Variants in PDE11A observed in about 807,000 individuals in gnomAD.
PDE11A encodes the protein phosphodiesterase 11A.
Under a neutral mutation model 100.5 loss-of-function variants are expected in PDE11A, and 100 were observed. That is an observed-to-expected ratio of 1.00 (90% CI 0.85 to 1.18). PDE11A has a LOEUF of 1.18. PDE11A is among the 50% of genes most tolerant of loss of function. The pLI is 0.00. For missense variants in PDE11A, 1,141 were observed against 1,152.6 expected (o/e 0.99, Z 0.15); for synonymous variants, 381 against 420.8 (o/e 0.91, Z 1.16).
At chr2:178,105,248 T>C (rs1001722847) in intron 1 of PDE11A, among the ~76,000 whole-genome samples, 7 of 152,086 alleles carry the variant, frequency 4.6e-5, no homozygotes, top group Non-Finnish European at 5.9e-5. Context: ...AATCACAAGG[T>C]CAGGAGTTCG....
intron 2 of PDE11A, among the ~76,000 whole-genome samples, chr2:178,004,481 G>A (rs1281372713): frequency 1.3e-5 from 2 of 152,120 alleles, no homozygotes; most frequent in African/African-American, 2.4e-5. Context: ...AAAGAAGACC[G>A]TTATCCATCT....
At chr2:177,851,099 C>T (rs540437397) in intron 5 of PDE11A, among the ~76,000 whole-genome samples, 69 of 152,100 alleles carry the variant, frequency 4.5e-4, no homozygotes, top group African/African-American at 1.4e-3. Flanking sequence ...ATGTTTATTG[C>T]GGCACTATTC....
chr2:178,014,459 T>A lies in PDE11A; in HGVS notation c.914A>T (p.Asp305Val), dbSNP rs1297598416. The A allele has an allele frequency of 1.2e-6, 2 of 1,612,220 alleles. No individual in the cohort carries two copies. Among genetic ancestry groups the A allele is most frequent in the Admixed American group, 3.3e-5 (2 of 59,992 alleles). ...ETVNIPDAYQ[D>V]RRFNDEIDKL... Reference sequence around the variant, plus strand: ...GTCGATTTCATCATTGAATCGTCGATCCTAAAAATAAGACAAAGAAAGCAT... The same window carrying A: ...GTCGATTTCATCATTGAATCGTCGAACCTAAAAATAAGACAAAGAAAGCAT... Residue 305 changes from aspartate (D) to valine (V), a missense_variant and splice_region_variant, in exon 2 of 20, where the codon GAT becomes GTT. Transcript: ENST00000286063.
intron 19 of PDE11A, among the ~76,000 whole-genome samples, chr2:177,635,583 C>T (rs560325468): frequency 1.3e-5 from 2 of 152,306 alleles, no homozygotes; most frequent in South Asian, 4.1e-4. Flanking sequence ...GAATAAGGAA[C>T]ACATTCACAT....
At chr2:177,897,890 T>C (rs1186234995) in intron 4 of PDE11A, among the ~76,000 whole-genome samples, 168 bp downstream of exon 4, 1 of 152,148 alleles carries the variant, frequency 6.6e-6, no homozygotes, top group African/African-American at 2.4e-5. Context: ...AAAAAGAGAA[T>C]GAAATACACA....
intron 2 of PDE11A, among the ~76,000 whole-genome samples, chr2:177,929,531 G>A (rs550025319): frequency 2.0e-5 from 3 of 152,286 alleles, no homozygotes; most frequent in Non-Finnish European, 2.9e-5. Context: ...AGCTTCATCC[G>A]TACAAGGACA....
intron 2 of PDE11A, among the ~76,000 whole-genome samples, chr2:177,961,511 G>C (rs976111095): frequency 6.6e-6 from 1 of 152,064 alleles, no homozygotes; most frequent in Non-Finnish European, 1.5e-5. Flanking sequence ...CATACTACCT[G>C]TTACGTTTTG....
At chr2:177,998,853 C>A in intron 2 of PDE11A, 1 of 609,892 alleles carries the variant, frequency 1.6e-6, no homozygotes, top group Non-Finnish European at 3.0e-6. Context: ...TCCAAGCCCA[C>A]TACCTGCACT....
intron 9 of PDE11A, among the ~76,000 whole-genome samples, chr2:177,789,654 C>G (rs1455089051): frequency 6.6e-6 from 1 of 151,974 alleles, no homozygotes; most frequent in Non-Finnish European, 1.5e-5. Flanking sequence ...TGTCTCAGCC[C>G]AAAATCTTCT....
chr2:177,919,672 A>G lies in PDE11A; in HGVS notation c.1072-14485T>C, dbSNP rs2105752117. Among the ~76,000 whole-genome samples, 3 of 152,290 alleles carry G rather than the reference A, an allele frequency of 2.0e-5. No individual in the cohort carries two copies. The East Asian group carries it at 5.8e-4, about 29-fold the overall frequency. ...AGATTTTTTAATGGAAAAACGTGCCATATTTCTCAATAAAAAGATATTGAA... is the reference window on the plus strand; with the variant it reads ...AGATTTTTTAATGGAAAAACGTGCCGTATTTCTCAATAAAAAGATATTGAA... On this transcript the variant is annotated intron_variant, in intron 2 of 19. Transcript: ENST00000286063.
chr2:177,684,700 G>A (rs1165167450), intron 15 of PDE11A, among the ~76,000 whole-genome samples: 1 of 152,196 alleles, frequency 6.6e-6, no homozygotes, highest in Non-Finnish European at 1.5e-5. Flanking sequence ...TTGATGGGAG[G>A]ATCAAAGGAA....
chr2:177,989,804 C>T (rs560329569), intron 2 of PDE11A, among the ~76,000 whole-genome samples: 61 of 152,116 alleles, frequency 4.0e-4, no homozygotes, highest in African/African-American at 1.1e-3. Flanking sequence ...CAAAAAGTAG[C>T]TGGAAATTAC....
At chr2:177,894,886 T>C (rs887733357) in intron 4 of PDE11A, among the ~76,000 whole-genome samples, 7 of 152,192 alleles carry the variant, frequency 4.6e-5, no homozygotes, top group Non-Finnish European at 7.3e-5. Context: ...CTTCAAGATA[T>C]CCTGCCCTTC....
intron 2 of PDE11A, among the ~76,000 whole-genome samples, chr2:177,934,389 C>G (rs1326102167): frequency 6.6e-6 from 1 of 152,154 alleles, no homozygotes; most frequent in African/African-American, 2.4e-5. Flanking sequence ...AAAAAATGCT[C>G]CACATTACTA....
intron 6 of PDE11A, among the ~76,000 whole-genome samples, chr2:177,839,996 A>G (rs1389071290): frequency 6.6e-6 from 1 of 152,206 alleles, no homozygotes; most frequent in East Asian, 1.9e-4. Flanking sequence ...ACTTTTCATT[A>G]AATAGTTCAT....
chr2:177,876,682 C>A (rs1194892175), intron 4 of PDE11A, among the ~76,000 whole-genome samples: 1 of 147,598 alleles, frequency 6.8e-6, no homozygotes, highest in Non-Finnish European at 1.5e-5. Context: ...GGAAACTAAC[C>A]CCTAATTTTT....
At chr2:177,884,405 C>T (rs2084393822) in intron 4 of PDE11A, among the ~76,000 whole-genome samples, 1 of 152,192 alleles carries the variant, frequency 6.6e-6, no homozygotes, top group Non-Finnish European at 1.5e-5. Flanking sequence ...TGAGCATTCT[C>T]CCTATTGCAA....
intron 10 of PDE11A, among the ~76,000 whole-genome samples, chr2:177,734,676 T>A (rs1417906981): frequency 6.6e-6 from 1 of 152,186 alleles, no homozygotes; most frequent in African/African-American, 2.4e-5. Flanking sequence ...AAAGTAAGCC[T>A]CAGATTGAGC....
At chr2:178,001,149 A>G (rs1298158104) in intron 2 of PDE11A, among the ~76,000 whole-genome samples, 1 of 152,204 alleles carries the variant, frequency 6.6e-6, no homozygotes, top group African/African-American at 2.4e-5. Flanking sequence ...AGCACCTATC[A>G]CAGAGTACAC....
Sources: gnomAD v4.1 joint callset for allele counts (sites outside exome capture counted in the v4.1 genomes callset) on GRCh38, gnomAD v4.1.1 for gene constraint, MANE v1.5 for transcripts, NCBI Gene and HGNC (gene_info 2026-07-23, HGNC 2026-07-21) for gene names.